Variants in TMTC1 observed in about 807,000 individuals in gnomAD.
The protein encoded by TMTC1 is transmembrane O-mannosyltransferase targeting cadherins 1, also known as protein O-mannosyl-transferase TMTC1.
In TMTC1, 73 loss-of-function variants were observed where a neutral mutation model predicts 104.8. The ratio of observed to expected loss-of-function variants is 0.70; its 90% CI spans 0.58 to 0.85. The LOEUF (loss-of-function observed/expected upper bound fraction) is 0.85. Among genes scored for constraint, TMTC1 ranks in the 40% least tolerant of loss-of-function variants. TMTC1 has a pLI of 0.00. For synonymous variants in TMTC1, 434 were observed against 428.7 expected (o/e 1.01, Z -0.15); for missense variants, 1,035 against 1,096.1 (o/e 0.94, Z 0.79).
intron 5 of TMTC1, chr12:29,666,399 T>C (rs1198232925): frequency 1.2e-5 from 4 of 337,356 alleles, no homozygotes; most frequent in Non-Finnish European, 2.3e-5. Flanking sequence ...TTTTTTGTTG[T>C]TGTTGTTGTA....
intron 15 of TMTC1, among the ~76,000 whole-genome samples, chr12:29,515,514 A>G (rs940813207): frequency 7.9e-5 from 12 of 152,110 alleles, no homozygotes; most frequent in Admixed American, 2.6e-4. Context: ...CCCTGCCCAG[A>G]ATCCTCCTTG....
chr12:29,654,703 C>T (rs961330200), intron 5 of TMTC1, among the ~76,000 whole-genome samples: 1 of 143,978 alleles, frequency 6.9e-6, no homozygotes, highest in Admixed American at 6.9e-5. Flanking sequence ...GGAAACAACC[C>T]AAATGTCCAT....
chr12:29,760,476 G>C (rs1464566810), intron 2 of TMTC1, among the ~76,000 whole-genome samples: 1 of 152,052 alleles, frequency 6.6e-6, no homozygotes, highest in Non-Finnish European at 1.5e-5. Context: ...AGTATTAGTA[G>C]GACTTCAAAG....
At chr12:29,521,404 G>A (rs975219854) in intron 11 of TMTC1, among the ~76,000 whole-genome samples, 5 of 152,090 alleles carry the variant, frequency 3.3e-5, no homozygotes, top group African/African-American at 1.2e-4. Context: ...CCTCAAGGGT[G>A]TACCTCCAAC....
chr12:29,606,950 T>C (rs898420541), intron 6 of TMTC1, among the ~76,000 whole-genome samples: 2 of 148,988 alleles, frequency 1.3e-5, no homozygotes, highest in Non-Finnish European at 3.0e-5. Context: ...TGGGTGTCAG[T>C]TGGGAGCACA....
rs1555170711 is a variant in TMTC1 at position 29,570,888 on chromosome 12, C to CCA, written c.1532+1216_1532+1217insTG. ...AACAAAAAAAACAGAAACACCCCCCCCCCCCGCCAAAACACACACACAAAA... is the reference window on the plus strand; with the variant it reads ...AACAAAAAAAACAGAAACACCCCCCCCACCCCCGCCAAAACACACACACAAAA... On this transcript the variant is annotated intron_variant, in intron 9 of 17. Coordinates refer to ENST00000539277, the MANE Select transcript of TMTC1 (RefSeq NM_001193451.2). Among the ~76,000 whole-genome samples the CCA allele has an allele frequency of 1.5e-4, 20 of 137,348 alleles. 1 individual carries two copies. The highest frequency in any genetic ancestry group is 2.6e-4 in the Non-Finnish European group (16 of 62,500). The allele number at this position is 137,348 out of a possible 152,430, so 90.1% of individuals were successfully genotyped here. A position where few individuals can be genotyped will look rare whatever the true frequency, so the allele number is the denominator to read the frequency against.
intron 5 of TMTC1, among the ~76,000 whole-genome samples, chr12:29,708,380 G>A (rs936302667): frequency 3.0e-4 from 45 of 152,146 alleles, no homozygotes; most frequent in African/African-American, 1.1e-3. Context: ...ACAGCGCAGA[G>A]CAAATGTCTC....
chr12:29,642,753 G>A (rs1007277337), intron 5 of TMTC1, among the ~76,000 whole-genome samples: 2 of 151,912 alleles, frequency 1.3e-5, no homozygotes, highest in African/African-American at 4.8e-5. Flanking sequence ...GTGAAACCCC[G>A]TCTCCACTAA....
intron 1 of TMTC1, among the ~76,000 whole-genome samples, chr12:29,776,391 C>G (rs1016583403): frequency 6.6e-6 from 1 of 152,166 alleles, no homozygotes; most frequent in Non-Finnish European, 1.5e-5. Context: ...TGAGGAAATT[C>G]CTAGTCTGCC....
intron 1 of TMTC1, among the ~76,000 whole-genome samples, chr12:29,779,792 A>T (rs946887783): frequency 1.3e-5 from 2 of 151,938 alleles, no homozygotes; most frequent in Non-Finnish European, 2.9e-5. Context: ...GACAAAGTAC[A>T]TGTATCTAGA....
Position 29,586,514 on chromosome 12 carries a change from A to C in TMTC1, c.1251-2940T>G, listed in dbSNP as rs901061912. ...AGAGAGGACATCCCTGTCTTGTGCCAGTTTTCAAAGGGAATGCTTCCAGTT... is the reference window on the plus strand; with the variant it reads ...AGAGAGGACATCCCTGTCTTGTGCCCGTTTTCAAAGGGAATGCTTCCAGTT... On this transcript the variant is annotated intron_variant, in intron 7 of 17. Coordinates refer to ENST00000539277, the MANE Select transcript of TMTC1 (RefSeq NM_001193451.2). Among the ~76,000 whole-genome samples, 26 of 152,254 alleles carry C rather than the reference A, an allele frequency of 1.7e-4. 1 individual carries two copies. The highest frequency in any genetic ancestry group is 1.4e-3 in the Admixed American group (21 of 15,294).
rs374631968 is a variant in TMTC1 at position 29,536,203 on chromosome 12, A to G, written c.1785+6T>C. 34 of 1,582,606 alleles carry G rather than the reference A, an allele frequency of 2.1e-5. No individual in the cohort carries two copies. Among genetic ancestry groups the G allele is most frequent in the African/African-American group, 4.0e-5 (3 of 74,254 alleles). ...ATTGAAAAAAACTACTGTGTGAAACAATTACCTGCTCAGCCAATAACGAAG... is the reference window on the plus strand; with the variant it reads ...ATTGAAAAAAACTACTGTGTGAAACGATTACCTGCTCAGCCAATAACGAAG... On this transcript the variant is annotated splice_donor_region_variant and intron_variant, in intron 11 of 17. Coordinates refer to ENST00000539277, the MANE Select transcript of TMTC1 (RefSeq NM_001193451.2).
At chr12:29,603,498 G>A (rs1257607047) in intron 7 of TMTC1, among the ~76,000 whole-genome samples, 3 of 152,056 alleles carry the variant, frequency 2.0e-5, no homozygotes. Flanking sequence ...TTTGTGTCTT[G>A]TTCAAGGTCA....
intron 12 of TMTC1, chr12:29,519,325 T>C (rs1363176328): frequency 1.3e-5 from 2 of 152,188 alleles, no homozygotes; most frequent in African/African-American, 4.8e-5. Context: ...CACACAAAAA[T>C]TTTCCACTTT....
rs567260600 is a variant in TMTC1 at position 29,586,092 on chromosome 12, C to G, written c.1251-2518G>C. On this transcript the variant is annotated intron_variant, in intron 7 of 17. Coordinates refer to ENST00000539277, the MANE Select transcript of TMTC1 (RefSeq NM_001193451.2). ...ATGAGCATGGAATGTTCTTCCATTTCTTTGTATCCTCTTTTATTTCATTGA... is the reference window on the plus strand; with the variant it reads ...ATGAGCATGGAATGTTCTTCCATTTGTTTGTATCCTCTTTTATTTCATTGA... Among the ~76,000 whole-genome samples the G allele has an allele frequency of 9.9e-5, 15 of 152,162 alleles. 1 individual carries two copies. The East Asian group carries it at 1.7e-3, about 18-fold the overall frequency.
chr12:29,646,407 G>C (rs1431997113), intron 5 of TMTC1, among the ~76,000 whole-genome samples: 1 of 152,046 alleles, frequency 6.6e-6, no homozygotes, highest in African/African-American at 2.4e-5. Flanking sequence ...GAAAATAAAA[G>C]AAGTGTTCCT....
chr12:29,511,793 A>G (rs1943844419), intron 17 of TMTC1, among the ~76,000 whole-genome samples: 1 of 152,214 alleles, frequency 6.6e-6, no homozygotes, highest in Non-Finnish European at 1.5e-5. Flanking sequence ...GATTTTCTTC[A>G]TGGTTAGAAA....
intron 10 of TMTC1, 45 bp from the exon 11 acceptor site, chr12:29,536,362 C>T (rs746705426): frequency 2.5e-6 from 3 of 1,211,394 alleles, no homozygotes; most frequent in Admixed American, 2.1e-5. Context: ...CTTTTAATAA[C>T]ACTTTGTTTC....
intron 5 of TMTC1, among the ~76,000 whole-genome samples, chr12:29,735,332 T>C (rs1265233977): frequency 1.3e-5 from 2 of 152,246 alleles, no homozygotes; most frequent in Non-Finnish European, 2.9e-5. Flanking sequence ...GCTGCATTTT[T>C]GCAGGGCAAA....
Sources: allele counts gnomAD v4.1 joint callset (sites outside exome capture counted in the v4.1 genomes callset), GRCh38; gene constraint gnomAD v4.1.1; transcripts MANE v1.5; gene names NCBI Gene and HGNC (gene_info 2026-07-23, HGNC 2026-07-21).